APOLD1: variants seen among roughly 807,000 people sequenced by gnomAD.
The protein encoded by APOLD1 is apolipoprotein L domain-containing protein 1.
APOLD1 carries 22 observed loss-of-function variants against 15.3 expected under a neutral mutation model. The observed-to-expected ratio is 1.44, with a 90% CI of 1.03 to 2.05. The LOEUF is 2.05. APOLD1 is among the 30% of genes most tolerant of loss of function. The pLI, the probability that APOLD1 is intolerant of heterozygous loss-of-function variation, is 0.00. For synonymous variants in APOLD1, 190 were observed against 167.4 expected (o/e 1.13, Z -1.04); for missense variants, 394 against 353.5 (o/e 1.11, Z -0.92).
intron 1 of APOLD1, among the ~76,000 whole-genome samples, chr12:12,779,424 G>A (rs1046065408): frequency 2.6e-5 from 4 of 152,216 alleles, no homozygotes; most frequent in South Asian, 4.1e-4. Flanking sequence ...AGCTGAAATC[G>A]AACAAATTAA....
upstream of APOLD1, among the ~76,000 whole-genome samples, chr12:12,784,787 A>G (rs1023255829): frequency 4.6e-5 from 7 of 152,196 alleles, no homozygotes; most frequent in Non-Finnish European, 1.0e-4. Flanking sequence ...TCTATGTTCC[A>G]TCTGGTCTGG....
rs534646535 is a variant in APOLD1, at chr12:12,763,525, A to G, written c.97-23384A>G. Among the ~76,000 whole-genome samples, 858 of 146,856 alleles carry G rather than the reference A, an allele frequency of 5.8e-3. 8 individuals are homozygous for G. The highest frequency in any genetic ancestry group is 0.019 in the African/African-American group (768 of 39,700). On this transcript the variant is annotated intron_variant, in intron 1 of 1. Coordinates refer to the APOLD1 transcript ENST00000326765. ...GAAAATATTGTGTGTGGGGGGGGGG[A>G]AAACAATACAACAATAAAAAATAAT...
At chr12:12,786,759 A>T in intron 1 of APOLD1, 150 bp from the exon 2 acceptor site, 3 of 1,279,582 alleles carry the variant, frequency 2.3e-6, no homozygotes. Flanking sequence ...AACTCGTCTC[A>T]TGATCCACTG....
chr12:12,761,835 A>ATATAT lies in APOLD1; in HGVS notation c.97-25074_97-25073insTATAT, dbSNP rs1565432774. ...TATACATATATGTATATGTATAGAGAGAGAGAGAGAGAGAGAGAGAGAGAG... is the reference window on the plus strand; with the variant it reads ...TATACATATATGTATATGTATAGAGATATATGAGAGAGAGAGAGAGAGAGAGAGAG... On this transcript the variant is annotated intron_variant, in intron 1 of 1. Coordinates refer to the APOLD1 transcript ENST00000326765. 3.5e-4 allele frequency among the ~76,000 whole-genome samples: 43 copies of ATATAT among 123,376 alleles called. 2 individuals carry two copies. The highest frequency in any genetic ancestry group is 2.5e-3 in the East Asian group (8 of 3,240). The allele number at this position is 123,376 out of a possible 152,430, so 80.9% of individuals were successfully genotyped here.
intron 1 of APOLD1, among the ~76,000 whole-genome samples, chr12:12,780,249 C>CTT (rs11288514): frequency 1.4e-5 from 2 of 145,482 alleles, no homozygotes; most frequent in South Asian, 2.2e-4. Context: ...TTTTAATTTG[C>CTT]TTTTTTTTTT....
intron 1 of APOLD1, among the ~76,000 whole-genome samples, chr12:12,750,587 TA>T (rs71064321): frequency 0.55 from 83,651 of 151,452 alleles, 24,694 homozygotes; most frequent in Non-Finnish European, 0.67. Context: ...TGTTAAAGTA[TA>T]TTTTTTCTCA....
Position 12,787,464 on chromosome 12 carries a change from G to C in APOLD1, c.559G>C (p.Asp187His). 1 of 1,614,196 alleles carries C rather than the reference G, an allele frequency of 6.2e-7. No homozygotes were observed. Among genetic ancestry groups the C allele is most frequent in the Non-Finnish European group, 8.5e-7 (1 of 1,180,042 alleles). Residue 187 changes from aspartate to histidine, a missense_variant, in exon 2 of 2, where the codon GAC (aspartate) becomes CAC (histidine). Physicochemically the swap from Asp to His is moderately conservative, Grantham distance 81. Coordinates refer to ENST00000356591, the MANE Select transcript of APOLD1 (RefSeq NM_030817.3). The surrounding 1 kb of genome is among the most constrained non-coding windows in gnomAD (Gnocchi z 4.9). ...GFLIPRRAEG[D>H]TKVSQAVLKA... is the part of the protein sequence containing the mutation. ...CCTCATCCCCAGGCGGGCGGAGGGG[G>C]ACACCAAGGTTAGCCAGGCCGTGCT...
chr12:12,763,144 A>G (rs1423611192), intron 1 of APOLD1, among the ~76,000 whole-genome samples: 2 of 152,154 alleles, frequency 1.3e-5, no homozygotes, highest in Non-Finnish European at 2.9e-5. Flanking sequence ...ATTATTTTTA[A>G]TTGACAATAA....
At chr12:12,743,863 GC>G (rs1946744981) in intron 1 of APOLD1, among the ~76,000 whole-genome samples, 1 of 152,186 alleles carries the variant, frequency 6.6e-6, no homozygotes, top group Non-Finnish European at 1.5e-5. Flanking sequence ...GAGGAAAGGG[GC>G]TAGGAGCCCA....
chr12:12,760,621 A>G (rs1291501998), intron 1 of APOLD1, among the ~76,000 whole-genome samples: 2 of 151,172 alleles, frequency 1.3e-5, no homozygotes, highest in African/African-American at 4.9e-5. Flanking sequence ...CCTGGGTGAC[A>G]AAAGCGAAAC....
At chr12:12,726,049 G>C in exon 1 of APOLD1, 1 of 1,541,802 alleles carries the variant, frequency 6.5e-7, no homozygotes. Flanking sequence ...TACTCGGAAG[G>C]CGCGGGCAGG....
At chr12:12,762,354 T>A (rs7138475) in intron 1 of APOLD1, among the ~76,000 whole-genome samples, 6,768 of 151,970 alleles carry the variant, frequency 0.045, 331 homozygotes, top group East Asian at 0.18. Flanking sequence ...TTAATTAATT[T>A]ATTTTTTATT....
At chr12:12,728,029 A>G (rs780632257) in intron 1 of APOLD1, among the ~76,000 whole-genome samples, 10 of 151,912 alleles carry the variant, frequency 6.6e-5, no homozygotes, top group Non-Finnish European at 1.2e-4. Context: ...TGCAGTGGGC[A>G]TGAGCATGGC....
At position 12,752,037 on chromosome 12, in the gene APOLD1, T is replaced by C. The variant is rs536298912; in HGVS notation, c.96+25941T>C. ...AACCAGTCCCTCTGACACCTTGACT[T>C]TACCCCTAATGAAATGGATTTTGGA... On this transcript the variant is annotated intron_variant, in intron 1 of 1. Coordinates refer to the APOLD1 transcript ENST00000326765. 6.4e-4 allele frequency among the ~76,000 whole-genome samples: 98 copies of C among 152,298 alleles called. No homozygotes were observed. The Middle Eastern group carries it at 0.01, about 16-fold the overall frequency.
At chr12:12,752,604 G>A (rs1338707509) in intron 1 of APOLD1, among the ~76,000 whole-genome samples, 1 of 151,876 alleles carries the variant, frequency 6.6e-6, no homozygotes. Flanking sequence ...ATAAGTAGTG[G>A]AGAAAATTTA....
intron 1 of APOLD1, 148 bp downstream of exon 1, chr12:12,785,842 G>C (rs1175401995): frequency 2.6e-6 from 2 of 779,714 alleles, no homozygotes; most frequent in African/African-American, 3.5e-5. Context: ...TTCTAGACTG[G>C]GCTCTGTGAA....
intron 1 of APOLD1, among the ~76,000 whole-genome samples, chr12:12,774,946 T>G (rs1293782552): frequency 6.6e-6 from 1 of 152,210 alleles, no homozygotes; most frequent in Non-Finnish European, 1.5e-5. Flanking sequence ...GTCATGTGCC[T>G]TGGTATTTAC....
At chr12:12,751,963 AG>A (rs1946815281) in intron 1 of APOLD1, among the ~76,000 whole-genome samples, 1 of 152,228 alleles carries the variant, frequency 6.6e-6, no homozygotes, top group South Asian at 2.1e-4. Flanking sequence ...ACAGTCCAGT[AG>A]AAACTGAAAA....
chr12:12,756,191 G>A (rs73069424), intron 1 of APOLD1, among the ~76,000 whole-genome samples: 14,187 of 152,230 alleles, frequency 0.093, 732 homozygotes, highest in Middle Eastern at 0.12. Flanking sequence ...TGACTGCATG[G>A]ATTTTGGTTT....
Sources: allele counts gnomAD v4.1 joint callset (sites outside exome capture counted in the v4.1 genomes callset), GRCh38; gene constraint gnomAD v4.1.1; non-coding constraint Gnocchi (gnomAD v3.1); transcripts MANE v1.5; gene names NCBI Gene and HGNC (gene_info 2026-07-23, HGNC 2026-07-21).